PCSK6: variants seen among roughly 807,000 people sequenced by gnomAD.
PCSK6 encodes proprotein convertase subtilisin/kexin type 6.
PCSK6 carries 85 observed loss-of-function variants against 123.3 expected under a neutral mutation model. The observed-to-expected ratio is 0.69, with a 90% CI of 0.58 to 0.83. The LOEUF (loss-of-function observed/expected upper bound fraction) is 0.83, where lower values mean the gene tolerates loss of function less well. PCSK6 is among the 40% of genes least tolerant of loss of function. The pLI, the probability that PCSK6 is intolerant of heterozygous loss-of-function variation, is 0.00. For missense variants in PCSK6, 1,191 were observed against 1,282.3 expected, an observed-to-expected ratio of 0.93 and a Z score of 1.09; for synonymous variants, 508 against 516.0, an observed-to-expected ratio of 0.98 and a Z score of 0.21.
intron 8 of PCSK6, 82 bp downstream of exon 8, chr15:101,393,130 T>C: frequency 8.7e-7 from 1 of 1,147,594 alleles, no homozygotes; most frequent in Non-Finnish European, 1.3e-6. Context: ...CTAAGCCATC[T>C]TTCTGAGAAA....
Position 101,413,830 on chromosome 15 carries a change from A to C in PCSK6, c.823+14062T>G, listed in dbSNP as rs187457638. Among the ~76,000 whole-genome samples, 10 of 150,124 alleles carry C rather than the reference A, an allele frequency of 6.7e-5. 1 individual carries two copies. In the East Asian group the frequency reaches 2.0e-3, roughly 30 times the overall value. On this transcript the variant is annotated intron_variant, in intron 6 of 21. Transcript: ENST00000611716. ...TAAATATGTGAAATGTCATTTATCA[A>C]TAAAAGAAAAAAGAGGCAATTTCTA...
chr15:101,407,742 A>C (rs8043118), intron 6 of PCSK6, among the ~76,000 whole-genome samples: 69,367 of 151,908 alleles, frequency 0.46, 16,496 homozygotes, highest in African/African-American at 0.59. Context: ...TCCTGACAGA[A>C]CCCGCTGCTT....
intron 8 of PCSK6, among the ~76,000 whole-genome samples, chr15:101,392,217 A>T (rs1213895292): frequency 6.6e-6 from 1 of 152,220 alleles, no homozygotes; most frequent in Non-Finnish European, 1.5e-5. Flanking sequence ...ACAGGACACC[A>T]TTCAGCATCT....
intron 13 of PCSK6, among the ~76,000 whole-genome samples, chr15:101,336,248 C>T (rs144626732): frequency 2.3e-3 from 355 of 152,322 alleles, no homozygotes; most frequent in Middle Eastern, 6.8e-3. Flanking sequence ...ATAATAATAA[C>T]GTCTCCGAAT....
intron 11 of PCSK6, among the ~76,000 whole-genome samples, chr15:101,377,623 C>A (rs2041789469): frequency 6.6e-6 from 1 of 152,214 alleles, no homozygotes; most frequent in East Asian, 1.9e-4. Context: ...TCATCCACAG[C>A]CATATGTCTT....
At chr15:101,337,824 A>C (rs534985824) in intron 13 of PCSK6, among the ~76,000 whole-genome samples, 1 of 151,726 alleles carries the variant, frequency 6.6e-6, no homozygotes, top group South Asian at 2.1e-4. Context: ...CTGTTAAAAC[A>C]TTTTTTTTTA....
chr15:101,396,537 T>G (rs2042418274), intron 7 of PCSK6, among the ~76,000 whole-genome samples: 1 of 152,096 alleles, frequency 6.6e-6, no homozygotes, highest in Non-Finnish European at 1.5e-5. Context: ...AAATTCAGCT[T>G]AATTTTTAGG....
At chr15:101,316,929 T>TTTTTTTTTTTTTTTTA (rs2040006235) in intron 19 of PCSK6, among the ~76,000 whole-genome samples, 1 of 142,256 alleles carries the variant, frequency 7.0e-6, no homozygotes, top group African/African-American at 2.7e-5. Context: ...TTTTTTTTTT[T>TTTTTTTTTTTTTTTTA]GACAGAGTCT....
At chr15:101,376,718 G>A (rs1448957438) in intron 11 of PCSK6, among the ~76,000 whole-genome samples, 1 of 152,228 alleles carries the variant, frequency 6.6e-6, no homozygotes, top group Non-Finnish European at 1.5e-5. Flanking sequence ...GGAAGGGAAA[G>A]GGTTGCAAGA....
rs140918574 is a variant in PCSK6 at position 101,377,481 on chromosome 15, A to G, written c.1532+4611T>C. On this transcript the variant is annotated intron_variant, in intron 11 of 21. Coordinates refer to ENST00000611716, the MANE Select transcript of PCSK6 (RefSeq NM_002570.5). ...AAGTTCCTAACTCCTTTCTGCCTCC[A>G]TTTCTTCCTCCATAAAATGAGGATA... Among the ~76,000 whole-genome samples the G allele has an allele frequency of 6.2e-4, 95 of 152,184 alleles. 2 individuals are homozygous for G. Among genetic ancestry groups the G allele is most frequent in the African/African-American group, 2.1e-3 (89 of 41,520 alleles).
At position 101,351,553 on chromosome 15, in the gene PCSK6, A is replaced by C. The variant is rs533538555; in HGVS notation, c.1858+14643T>G. ...GAATTCGGCAAAAATCAATGAAAGCAGTCTCTGAGAATCAACTGGCTAAAT... is the reference window on the plus strand; with the variant it reads ...GAATTCGGCAAAAATCAATGAAAGCCGTCTCTGAGAATCAACTGGCTAAAT... On this transcript the variant is annotated intron_variant, in intron 13 of 21. Coordinates refer to ENST00000611716, the MANE Select transcript of PCSK6 (RefSeq NM_002570.5). 2.9e-3 allele frequency among the ~76,000 whole-genome samples: 448 copies of C among 152,366 alleles called. 2 individuals are homozygous for C. Among genetic ancestry groups the C allele is most frequent in the African/African-American group, 0.01 (433 of 41,576 alleles).
chr15:101,356,063 C>T (rs528758061), intron 13 of PCSK6, among the ~76,000 whole-genome samples: 2 of 152,344 alleles, frequency 1.3e-5, no homozygotes, highest in Admixed American at 6.5e-5. Context: ...ATGAAGCATA[C>T]ATGTTTCTCA....
chr15:101,430,851 C>T (rs1335094113), intron 4 of PCSK6, among the ~76,000 whole-genome samples: 1 of 152,200 alleles, frequency 6.6e-6, no homozygotes, highest in African/African-American at 2.4e-5. Context: ...GAGAGTCGTT[C>T]TCTTATGAAC....
chr15:101,403,055 G>A (rs1376132519), intron 6 of PCSK6, among the ~76,000 whole-genome samples: 11 of 151,774 alleles, frequency 7.2e-5, no homozygotes, highest in South Asian at 6.3e-4. Context: ...GATTAAGAAA[G>A]TGTGGCACAT....
At chr15:101,429,954 G>A in intron 5 of PCSK6, 33 bp downstream of exon 5, 1 of 1,555,138 alleles carries the variant, frequency 6.4e-7, no homozygotes, top group Non-Finnish European at 8.9e-7. Flanking sequence ...GGGAGGGGAA[G>A]AGAAGCCGGG....
chr15:101,346,962 G>A (rs2040748182), intron 13 of PCSK6: 2 of 1,231,626 alleles, frequency 1.6e-6, no homozygotes, highest in Non-Finnish European at 2.0e-6. Context: ...CACTGTCACG[G>A]CCCCGTGAAA....
intron 13 of PCSK6, among the ~76,000 whole-genome samples, chr15:101,356,959 G>A (rs1000155512): frequency 6.6e-6 from 1 of 152,166 alleles, no homozygotes; most frequent in Non-Finnish European, 1.5e-5. Context: ...TCTGACAGGA[G>A]GTATTATTGG....
intron 13 of PCSK6, among the ~76,000 whole-genome samples, chr15:101,343,280 T>G (rs920464295): frequency 1.1e-4 from 17 of 152,280 alleles, no homozygotes; most frequent in African/African-American, 4.1e-4. Context: ...TTTATCAATT[T>G]TATTAGTTTC....
chr15:101,329,857 C>A (rs1382245111), intron 15 of PCSK6, among the ~76,000 whole-genome samples: 1 of 152,226 alleles, frequency 6.6e-6, no homozygotes, highest in African/African-American at 2.4e-5. Flanking sequence ...AACCCAAGCT[C>A]TTCCCTGCCT....
Sources: allele counts gnomAD v4.1 joint callset (sites outside exome capture counted in the v4.1 genomes callset), GRCh38; gene constraint gnomAD v4.1.1; transcripts MANE v1.5; gene names NCBI Gene and HGNC (gene_info 2026-07-23, HGNC 2026-07-21).